GLIS3: variants seen among roughly 807,000 people sequenced by gnomAD.
GLIS3 encodes GLIS family zinc finger 3.
GLIS3 carries 53 observed loss-of-function variants against 78.6 expected under a neutral mutation model. That is an observed-to-expected ratio of 0.67 (90% CI 0.54 to 0.85). The LOEUF is 0.85. Among genes scored for constraint, GLIS3 ranks in the 40% least tolerant of loss-of-function variants. GLIS3 has a pLI of 0.00. For synonymous variants in GLIS3, 684 were observed against 509.9 expected, an observed-to-expected ratio of 1.34 and a Z score of -4.60; for missense variants, 1,703 against 1,231.1, an observed-to-expected ratio of 1.38 and a Z score of -5.74.
intron 4 of GLIS3, among the ~76,000 whole-genome samples, chr9:4,063,354 T>C (rs1826816273): frequency 6.6e-6 from 1 of 152,192 alleles, no homozygotes; most frequent in Non-Finnish European, 1.5e-5. Flanking sequence ...GATGATATGC[T>C]TGGCCTGTCA....
intron 2 of GLIS3, among the ~76,000 whole-genome samples, chr9:4,252,243 A>C (rs1389493280): frequency 6.6e-6 from 1 of 152,224 alleles, no homozygotes; most frequent in Non-Finnish European, 1.5e-5. Context: ...CAGGTACACC[A>C]ATCAAATGTA....
At chr9:3,961,900 T>C (rs1382134141) in intron 4 of GLIS3, among the ~76,000 whole-genome samples, 2 of 152,022 alleles carry the variant, frequency 1.3e-5, no homozygotes, top group Non-Finnish European at 2.9e-5. Flanking sequence ...GACATAAACA[T>C]GGAATATGAA....
At position 4,099,822 on chromosome 9, in the gene GLIS3, A is replaced by T. The variant is rs190545186; in HGVS notation, c.1710+17946T>A. On this transcript the variant is annotated intron_variant, in intron 4 of 10. Transcript: ENST00000381971. ...CATACCTCACCTCATTCCACAGAGA[A>T]TTTAAATTGATAAAAGATTTGTTTT... Among the ~76,000 whole-genome samples, 7 of 152,378 alleles carry T rather than the reference A, an allele frequency of 4.6e-5. No homozygotes were observed. In the East Asian group the frequency reaches 9.6e-4, roughly 21 times the overall value.
the GLIS3 span, among the ~76,000 whole-genome samples, chr9:4,458,391 C>G: frequency 1.3e-5 from 2 of 152,056 alleles, no homozygotes; most frequent in African/African-American, 4.8e-5. Flanking sequence ...AAATAACATG[C>G]CAGGTAGTGG....
At chr9:4,142,159 C>G (rs960738645) in intron 2 of GLIS3, among the ~76,000 whole-genome samples, 5 of 152,076 alleles carry the variant, frequency 3.3e-5, no homozygotes, top group African/African-American at 4.8e-5. Context: ...ATATTGATGC[C>G]AGTATGAAAA....
chr9:4,269,703 G>C (rs1202954456), intron 2 of GLIS3, among the ~76,000 whole-genome samples: 1 of 152,002 alleles, frequency 6.6e-6, no homozygotes, highest in African/African-American at 2.4e-5. Context: ...TTTCAGTTAG[G>C]AAATTATATT....
chr9:4,278,235 C>T (rs892796162), intron 2 of GLIS3, among the ~76,000 whole-genome samples: 2 of 152,068 alleles, frequency 1.3e-5, no homozygotes, highest in African/African-American at 2.4e-5. Flanking sequence ...TAACTCTGTC[C>T]GTAGAAAAGG....
intron 2 of GLIS3, among the ~76,000 whole-genome samples, chr9:4,260,954 T>A (rs1825471752): frequency 6.6e-6 from 1 of 152,194 alleles, no homozygotes; most frequent in African/African-American, 2.4e-5. Context: ...GAGATGTGTA[T>A]ACTAAAGAAA....
At chr9:4,340,851 C>A (rs7863230) in intron 2 of GLIS3, among the ~76,000 whole-genome samples, 145,358 of 151,984 alleles carry the variant, frequency 0.96, 69,821 homozygotes, top group East Asian at 1. Context: ...GTGGGTGACC[C>A]CTCCTGGCTA....
At chr9:4,329,283 C>CAG (rs1563934916) in intron 2 of GLIS3, among the ~76,000 whole-genome samples, 2 of 152,182 alleles carry the variant, frequency 1.3e-5, no homozygotes, top group East Asian at 3.8e-4. Context: ...TGTGTGTGTG[C>CAG]AGTGCCATTT....
chr9:4,264,494 C>G (rs1587215142), intron 2 of GLIS3, among the ~76,000 whole-genome samples: 1 of 152,138 alleles, frequency 6.6e-6, no homozygotes, highest in Non-Finnish European at 1.5e-5. Flanking sequence ...GGAAGAGTTC[C>G]TATCACACTT....
intron 4 of GLIS3, among the ~76,000 whole-genome samples, chr9:4,048,281 G>A (rs1054205715): frequency 6.6e-6 from 1 of 152,174 alleles, no homozygotes; most frequent in Non-Finnish European, 1.5e-5. Flanking sequence ...AATGATATGT[G>A]TGAGGATCAA....
chr9:4,483,412 T>C, the GLIS3 span, among the ~76,000 whole-genome samples: 1 of 152,164 alleles, frequency 6.6e-6, no homozygotes, highest in African/African-American at 2.4e-5. Flanking sequence ...AACTCTATAT[T>C]TGTTCCTTAC....
At chr9:3,928,623 C>T (rs1326056104) in intron 6 of GLIS3, among the ~76,000 whole-genome samples, 2 of 152,122 alleles carry the variant, frequency 1.3e-5, no homozygotes, top group Admixed American at 6.5e-5. Context: ...TGAAGAATTA[C>T]AGTAAATAGA....
At chr9:3,998,961 A>C (rs114608515) in intron 4 of GLIS3, among the ~76,000 whole-genome samples, 103 of 152,110 alleles carry the variant, frequency 6.8e-4, no homozygotes, top group African/African-American at 2.3e-3. Flanking sequence ...AATTAAGCAA[A>C]TAAATACCAA....
intron 4 of GLIS3, among the ~76,000 whole-genome samples, chr9:4,043,496 CAGTCTGTAGGAAG>C (rs2130388058): frequency 6.6e-6 from 1 of 152,090 alleles, no homozygotes; most frequent in Admixed American, 6.5e-5. Context: ...CTCCATCAGT[CAGTCTGTAGGAAG>C]GGCTGGGAAG....
chr9:4,085,103 A>G (rs140276772), intron 4 of GLIS3, among the ~76,000 whole-genome samples: 1 of 152,262 alleles, frequency 6.6e-6, no homozygotes, highest in Non-Finnish European at 1.5e-5. Context: ...GAAGGAATGG[A>G]TAAATAAAAA....
At chr9:4,201,384 A>C (rs749195907) in intron 2 of GLIS3, among the ~76,000 whole-genome samples, 77 of 152,214 alleles carry the variant, frequency 5.1e-4, no homozygotes, top group Non-Finnish European at 8.8e-4. Context: ...AAAAAGAAGA[A>C]GTCAAACTGT....
At chr9:3,948,062 T>C (rs1404936362) in intron 4 of GLIS3, among the ~76,000 whole-genome samples, 1 of 152,228 alleles carries the variant, frequency 6.6e-6, no homozygotes, top group African/African-American at 2.4e-5. Flanking sequence ...ATGCCTTCAC[T>C]GCAGCTCCAT....
Sources: gnomAD v4.1 joint callset for allele counts (sites outside exome capture counted in the v4.1 genomes callset) on GRCh38, gnomAD v4.1.1 for gene constraint, MANE v1.5 for transcripts, NCBI Gene and HGNC (gene_info 2026-07-23, HGNC 2026-07-21) for gene names.